IPCEF1: variants seen among roughly 807,000 people sequenced by gnomAD.
IPCEF1 encodes the protein interactor protein for cytohesin exchange factors 1.
IPCEF1 carries 31 observed loss-of-function variants against 50.9 expected under a neutral mutation model. That is an observed-to-expected ratio of 0.61 (90% confidence interval 0.46 to 0.82). IPCEF1 has a LOEUF of 0.82. Ranked by LOEUF, IPCEF1 falls within the 40% of genes least tolerant of loss-of-function variation. IPCEF1 has a pLI of 0.00. For missense variants in IPCEF1, 458 were observed against 514.0 expected (o/e 0.89, Z 1.05); for synonymous variants, 181 against 192.0 (o/e 0.94, Z 0.47).
chr6:154,269,463 G>C (rs1292405296), intron 2 of IPCEF1, among the ~76,000 whole-genome samples: 1 of 151,952 alleles, frequency 6.6e-6, no homozygotes, highest in Non-Finnish European at 1.5e-5. Flanking sequence ...TCAGTACTTT[G>C]TTTCTTTTTT....
At chr6:154,195,359 G>A (rs1296313456) in intron 10 of IPCEF1, among the ~76,000 whole-genome samples, 2 of 152,114 alleles carry the variant, frequency 1.3e-5, no homozygotes, top group Non-Finnish European at 2.9e-5. Context: ...ATGTTAGCCA[G>A]GATGGTCTCG....
chr6:154,301,461 G>A (rs1346265171), intron 1 of IPCEF1, among the ~76,000 whole-genome samples: 2 of 152,104 alleles, frequency 1.3e-5, no homozygotes, highest in Non-Finnish European at 2.9e-5. Flanking sequence ...TGTGTGTACC[G>A]TTCTCCAGGC....
At chr6:154,175,491 T>C (rs1484447522) in intron 10 of IPCEF1, among the ~76,000 whole-genome samples, 1 of 150,068 alleles carries the variant, frequency 6.7e-6, no homozygotes, top group African/African-American at 2.5e-5. Flanking sequence ...AAAGGGGATA[T>C]CACCACCAAT....
At chr6:154,189,029 A>G (rs1406247495) in intron 10 of IPCEF1, among the ~76,000 whole-genome samples, 1 of 152,230 alleles carries the variant, frequency 6.6e-6, no homozygotes, top group African/African-American at 2.4e-5. Flanking sequence ...TTTACAAGAA[A>G]AGTGAAGTAA....
At position 154,300,367 on chromosome 6, in the gene IPCEF1, T is replaced by TAC. The variant is rs1390267839; in HGVS notation, c.-61-10612_-61-10611insGT. ...TGGCTCATGCCTGTAATCTCAGAATTTTAGGAAGCTGAGGCAGGAGGATCG... is the reference window on the plus strand; with the variant it reads ...TGGCTCATGCCTGTAATCTCAGAATTACTTAGGAAGCTGAGGCAGGAGGATCG... On this transcript the variant is annotated intron_variant, in intron 1 of 11. Transcript: ENST00000367220. Among the ~76,000 whole-genome samples, 158 of 95,516 alleles carry TAC rather than the reference T, an allele frequency of 1.7e-3. 24 individuals carry two copies. The highest frequency in any genetic ancestry group is 4.6e-3 in the Middle Eastern group (1 of 216). 62.7% of individuals were successfully genotyped at this position (95,516 alleles called of 152,430 possible). A position where few individuals can be genotyped will look rare whatever the true frequency, so the allele number is the denominator to read the frequency against.
chr6:154,261,916 T>C (rs1267513650), intron 3 of IPCEF1, among the ~76,000 whole-genome samples: 1 of 152,204 alleles, frequency 6.6e-6, no homozygotes, highest in Non-Finnish European at 1.5e-5. Flanking sequence ...TTAGTGGAAA[T>C]GAAGTGTAAT....
At chr6:154,294,725 C>T (rs1041450377) in intron 1 of IPCEF1, among the ~76,000 whole-genome samples, 1 of 151,964 alleles carries the variant, frequency 6.6e-6, no homozygotes, top group Non-Finnish European at 1.5e-5. Context: ...CCCAATAAAC[C>T]CTGCCCTTCT....
intron 1 of IPCEF1, among the ~76,000 whole-genome samples, chr6:154,337,843 T>C (rs1476586661): frequency 6.6e-6 from 1 of 152,120 alleles, no homozygotes. Flanking sequence ...AAGACTCGAG[T>C]AGAGGACTTC....
At chr6:154,172,590 G>A (rs936142081) in intron 10 of IPCEF1, among the ~76,000 whole-genome samples, 54 of 152,274 alleles carry the variant, frequency 3.5e-4, no homozygotes, top group African/African-American at 1.2e-3. Context: ...CAAGGGGAGG[G>A]GCATCCACCA....
Position 154,159,369 on chromosome 6 carries a change from A to C in IPCEF1, c.*459T>G, listed in dbSNP as rs1194573327. Reference sequence around the variant, plus strand: ...CGTTTGTCCTTCCAGTCACTGCTCTAGAAAACATTCCTCCACTCAAACAGT... The same window carrying C: ...CGTTTGTCCTTCCAGTCACTGCTCTCGAAAACATTCCTCCACTCAAACAGT... On this transcript the variant is annotated 3_prime_UTR_variant, in exon 12 of 12. Transcript: ENST00000367220. 5.9e-6 allele frequency: 1 copy of C among 170,572 alleles called. No individual in the cohort carries two copies. Among genetic ancestry groups the C allele is most frequent in the Non-Finnish European group, 1.2e-5 (1 of 81,226 alleles). The allele number at this position is 170,572 out of a possible 1,614,324, so 10.6% of individuals were successfully genotyped here. A position where few individuals can be genotyped will look rare whatever the true frequency, so the allele number is the denominator to read the frequency against.
At chr6:154,264,625 C>T (rs1434839161) in intron 3 of IPCEF1, among the ~76,000 whole-genome samples, 3 of 152,128 alleles carry the variant, frequency 2.0e-5, no homozygotes, top group East Asian at 3.9e-4. Flanking sequence ...CCACCCACCT[C>T]GGCCTGCCAA....
chr6:154,290,347 G>A (rs1283472769), intron 1 of IPCEF1, among the ~76,000 whole-genome samples: 1 of 152,116 alleles, frequency 6.6e-6, no homozygotes, highest in African/African-American at 2.4e-5. Context: ...GAAGAATCAG[G>A]GTAGGAGAGA....
intron 2 of IPCEF1, among the ~76,000 whole-genome samples, chr6:154,287,732 T>C (rs532926240): frequency 1.3e-5 from 2 of 152,182 alleles, no homozygotes; most frequent in African/African-American, 4.8e-5. Context: ...AGATGCCCAC[T>C]GTGATGGGGA....
chr6:154,316,877 AT>A (rs572419830), intron 1 of IPCEF1, among the ~76,000 whole-genome samples: 7 of 152,340 alleles, frequency 4.6e-5, no homozygotes, highest in Admixed American at 4.6e-4. Context: ...AGTAGATACA[AT>A]TTTCTCAATT....
At chr6:154,163,122 AG>A (rs1334019420) in intron 11 of IPCEF1, among the ~76,000 whole-genome samples, 3 of 152,124 alleles carry the variant, frequency 2.0e-5, no homozygotes, top group African/African-American at 7.2e-5. Flanking sequence ...AACCTTCCAG[AG>A]GGTCACTGTC....
At chr6:154,272,531 T>G (rs955802258) in intron 2 of IPCEF1, among the ~76,000 whole-genome samples, 9 of 152,204 alleles carry the variant, frequency 5.9e-5, no homozygotes, top group Admixed American at 3.9e-4. Context: ...AATCACTAAT[T>G]GTTTAAGTTT....
intron 3 of IPCEF1, among the ~76,000 whole-genome samples, chr6:154,252,911 T>G (rs920692602): frequency 3.3e-5 from 5 of 152,110 alleles, no homozygotes; most frequent in African/African-American, 1.2e-4. Flanking sequence ...GCCACAGACC[T>G]CCCTCAAAAC....
intron 9 of IPCEF1, among the ~76,000 whole-genome samples, chr6:154,200,595 C>T (rs536572621): frequency 7.9e-5 from 12 of 152,144 alleles, no homozygotes; most frequent in African/African-American, 2.9e-4. Flanking sequence ...GTGGCGCGCA[C>T]CTGTAGTCCC....
intron 9 of IPCEF1, among the ~76,000 whole-genome samples, chr6:154,200,929 CAT>C (rs1295735600): frequency 1.3e-5 from 2 of 152,166 alleles, no homozygotes; most frequent in Non-Finnish European, 2.9e-5. Context: ...GTAATCCCCA[CAT>C]GTCGAGGGAG....
Sources: gnomAD v4.1 joint callset for allele counts (sites outside exome capture counted in the v4.1 genomes callset) on GRCh38, gnomAD v4.1.1 for gene constraint, MANE v1.5 for transcripts, NCBI Gene and HGNC (gene_info 2026-07-23, HGNC 2026-07-21) for gene names.